Variants in ADGRD2 observed in about 807,000 individuals in gnomAD.
The protein encoded by ADGRD2 is G protein-coupled receptor PGR24.
In ADGRD2, 71 loss-of-function variants were observed where a neutral mutation model predicts 44.4. The observed-to-expected ratio is 1.60, with a 90% confidence interval of 1.32 to 1.95. The LOEUF (loss-of-function observed/expected upper bound fraction) is 1.95. ADGRD2 is among the 30% of genes most tolerant of loss of function. The pLI is 0.00. For missense variants in ADGRD2, 1,039 were observed against 512.4 expected (o/e 2.03, Z -9.92); for synonymous variants, 481 against 224.8 (o/e 2.14, Z -10.19).
chr9:124,470,316 A>G (rs112510499), intron 16 of ADGRD2, among the ~76,000 whole-genome samples, 178 bp from the exon 20 acceptor site: 11 of 152,188 alleles, frequency 7.2e-5, no homozygotes, highest in African/African-American at 2.4e-4. Flanking sequence ...CTCTGAGAAC[A>G]GGGGGGGCAA....
chr9:124,477,196 G>C, intron 21 of ADGRD2: 1 of 396,364 alleles, frequency 2.5e-6, no homozygotes, highest in South Asian at 1.9e-5. Flanking sequence ...GGGGCATGAC[G>C]GGGGCTGAGC....
chr9:124,451,997 G>GCCCACC, upstream of ADGRD2: 1 of 360,938 alleles, frequency 2.8e-6, no homozygotes, highest in Non-Finnish European at 5.5e-6. Context: ...TCCACTGAAT[G>GCCCACC]CCCCCCTCCC....
At chr9:124,467,928 C>T (rs1588606756) in intron 12 of ADGRD2, 104 bp downstream of exon 15, 1 of 702,738 alleles carries the variant, frequency 1.4e-6, no homozygotes, top group Non-Finnish European at 2.7e-6. Context: ...CCCAGCAGAA[C>T]CTTGGTCTGA....
upstream of ADGRD2, among the ~76,000 whole-genome samples, chr9:124,450,971 G>A (rs1831455133): frequency 6.6e-6 from 1 of 152,146 alleles, no homozygotes; most frequent in Admixed American, 6.5e-5. Context: ...TGACGGGAGT[G>A]ACCCCAGATC....
chr9:124,468,222 G>A (rs1205204973), intron 13 of ADGRD2, 32 bp downstream of exon 16: 1 of 717,720 alleles, frequency 1.4e-6, no homozygotes, highest in African/African-American at 1.7e-5. Flanking sequence ...TGGAAGCCCG[G>A]GGAAGCCTGG....
intron 10 of ADGRD2, among the ~76,000 whole-genome samples, chr9:124,463,967 AGGT>A (rs1485907656): frequency 6.6e-6 from 1 of 152,108 alleles, no homozygotes; most frequent in African/African-American, 2.4e-5. Context: ...CCTCCCAAGT[AGGT>A]GGTACTGCAG....
At chr9:124,475,730 T>A (rs1255044883) in intron 19 of ADGRD2, 115 bp downstream of exon 22, 3 of 554,214 alleles carry the variant, frequency 5.4e-6, no homozygotes. Flanking sequence ...GGGACCAGCC[T>A]GAGGCCCCCA....
chr9:124,453,579 G>A (rs772400014), exon 3 of ADGRD2: 5 of 699,324 alleles, frequency 7.1e-6, no homozygotes, highest in South Asian at 3.0e-5. Context: ...GGGCCTGCGC[G>A]CCGCCCTCAG....
intron 7 of ADGRD2, among the ~76,000 whole-genome samples, chr9:124,457,145 C>CCGTGAATGT (rs751061344): frequency 1.3e-5 from 2 of 152,246 alleles, no homozygotes; most frequent in Non-Finnish European, 2.9e-5. Flanking sequence ...AGTACACACT[C>CCGTGAATGT]CGTGAATGTT....
exon 3 of ADGRD2, chr9:124,453,488 T>C: frequency 1.4e-6 from 1 of 704,108 alleles, no homozygotes; most frequent in Non-Finnish European, 2.6e-6. Flanking sequence ...GGCTTCTCGG[T>C]GCGTCACGCC....
chr9:124,469,647 T>C, intron 16 of ADGRD2, 100 bp downstream of exon 19: 1 of 678,610 alleles, frequency 1.5e-6, no homozygotes, highest in Non-Finnish European at 2.7e-6. Context: ...CGAGTCTGTG[T>C]CCAGAGCGTG....
rs772120780 is a variant in ADGRD2 at position 124,466,423 on chromosome 9, C to T, written c.2026+10C>T. ...AATCTATGAAGTACAGGTGAGTGCACGGTGGGAGGGGGGTGTCAGGAGGGG... is the reference window on the plus strand; with the variant it reads ...AATCTATGAAGTACAGGTGAGTGCATGGTGGGAGGGGGGTGTCAGGAGGGG... On this transcript the variant is annotated intron_variant, in intron 11 of 21. Transcript: ENST00000334810. The T allele has an allele frequency of 1.8e-5, 12 of 682,028 alleles. No individual in the cohort carries two copies. Among genetic ancestry groups the T allele is most frequent in the Admixed American group, 6.4e-5 (3 of 46,730 alleles). 42.2% of individuals were successfully genotyped at this position (682,028 alleles called of 1,614,324 possible).
intron 10 of ADGRD2, among the ~76,000 whole-genome samples, chr9:124,461,929 T>C (rs1831729718): frequency 6.6e-6 from 1 of 152,128 alleles, no homozygotes; most frequent in South Asian, 2.1e-4. Flanking sequence ...GTATTTTTAG[T>C]AGAGACGGGG....
intron 16 of ADGRD2, 90 bp downstream of exon 19, chr9:124,469,637 C>T (rs1054310510): frequency 8.7e-6 from 6 of 688,128 alleles, no homozygotes; most frequent in East Asian, 8.1e-5. Context: ...AGAGCACGTG[C>T]GAGTCTGTGT....
At chr9:124,453,006 C>T in intron 2 of ADGRD2, 29 bp from the exon 6 acceptor site, 1 of 633,398 alleles carries the variant, frequency 1.6e-6, no homozygotes, top group Non-Finnish European at 2.9e-6. Flanking sequence ...GGTGAGGAAA[C>T]TGAGGTCGCA....
At chr9:124,472,663 C>G (rs1018395570) in intron 17 of ADGRD2, among the ~76,000 whole-genome samples, 7 of 152,088 alleles carry the variant, frequency 4.6e-5, no homozygotes, top group African/African-American at 1.7e-4. Flanking sequence ...CCTGCCACCA[C>G]GCCTGGATAA....
intron 20 of ADGRD2, 71 bp from the exon 24 acceptor site, chr9:124,476,608 C>A: frequency 1.5e-6 from 1 of 662,336 alleles, no homozygotes; most frequent in South Asian, 1.6e-5. Flanking sequence ...GCCCCTATAG[C>A]CAAGGGTCCC....
intron 17 of ADGRD2, among the ~76,000 whole-genome samples, chr9:124,472,315 G>T: frequency 6.6e-6 from 1 of 151,750 alleles, no homozygotes; most frequent in East Asian, 1.9e-4. Flanking sequence ...CCCTCTCCCT[G>T]TGCCCTTCTC....
chr9:124,458,905 T>C (rs1254352387), intron 10 of ADGRD2, among the ~76,000 whole-genome samples, 184 bp downstream of exon 13: 2 of 152,232 alleles, frequency 1.3e-5, no homozygotes, highest in South Asian at 2.1e-4. Flanking sequence ...AGGGTCACCT[T>C]ATGGCAGGTG....
Sources: gnomAD v4.1 joint callset for allele counts (sites outside exome capture counted in the v4.1 genomes callset) on GRCh38, gnomAD v4.1.1 for gene constraint, MANE v1.5 for transcripts, NCBI Gene and HGNC (gene_info 2026-07-23, HGNC 2026-07-21) for gene names.